The following CMKLR2 variants were observed in gnomAD, a reference collection of about 807,000 sequenced individuals.
CMKLR2 encodes the protein chemerin chemokine-like receptor 2, also known as chemerin-like receptor 2.
In CMKLR2, 18 loss-of-function variants were observed where a neutral mutation model predicts 23.0. That is an observed-to-expected ratio of 0.78 (90% CI 0.54 to 1.16). The LOEUF (loss-of-function observed/expected upper bound fraction) is 1.16. CMKLR2 is among the 50% of genes most tolerant of loss of function. CMKLR2 has a pLI of 0.00. For missense variants in CMKLR2, 401 were observed against 412.7 expected, an observed-to-expected ratio of 0.97 and a Z score of 0.25; for synonymous variants, 158 against 158.9, an observed-to-expected ratio of 0.99 and a Z score of 0.05.
In CMKLR2 at chr2:206,176,084, A is replaced by G. The variant is rs1191275825; in HGVS notation, c.*96T>C. ...CCAGAAACAATAACTATGAAAGTGG[A>G]GTCGGCTCTCTATCTTGGAAACAAT... On this transcript the variant is annotated 3_prime_UTR_variant, in exon 2 of 2. Transcript: ENST00000621141. The G allele has an allele frequency of 3.6e-6, 3 of 831,938 alleles. No homozygotes were observed. The allele number at this position is 831,938 out of a possible 1,614,324, so 51.5% of individuals were successfully genotyped here. A position where few individuals can be genotyped will look rare whatever the true frequency, so the allele number is the denominator to read the frequency against.
chr2:206,208,577 T>C (rs542285360), intron 1 of CMKLR2, among the ~76,000 whole-genome samples: 9 of 151,872 alleles, frequency 5.9e-5, no homozygotes, highest in Non-Finnish European at 1.3e-4. Flanking sequence ...TTTTAATGTG[T>C]AGAAATACAC....
At chr2:206,209,416 A>T (rs1689455096) in intron 1 of CMKLR2, among the ~76,000 whole-genome samples, 1 of 151,764 alleles carries the variant, frequency 6.6e-6, no homozygotes, top group East Asian at 1.9e-4. Context: ...CAAGTGCAGG[A>T]TGTACAGGTT....
chr2:206,181,652 T>A (rs1189129420), intron 1 of CMKLR2, among the ~76,000 whole-genome samples: 1 of 152,136 alleles, frequency 6.6e-6, no homozygotes, highest in African/African-American at 2.4e-5. Context: ...AAAGAAAATG[T>A]TATTAGGAAA....
chr2:206,200,026 T>C (rs998821353), intron 1 of CMKLR2, among the ~76,000 whole-genome samples: 4 of 152,238 alleles, frequency 2.6e-5, no homozygotes, highest in Admixed American at 2.0e-4. Context: ...TAAGTCATTT[T>C]AATTTACTTA....
chr2:206,184,166 A>G (rs1026476178), intron 1 of CMKLR2, among the ~76,000 whole-genome samples: 2 of 152,158 alleles, frequency 1.3e-5, no homozygotes, highest in East Asian at 3.9e-4. Flanking sequence ...TTCACATAGC[A>G]TTCTCCCTGT....
intron 1 of CMKLR2, among the ~76,000 whole-genome samples, chr2:206,186,303 A>G (rs6435334): frequency 0.8 from 121,907 of 151,930 alleles, 49,655 homozygotes; most frequent in East Asian, 0.95. Flanking sequence ...AGTAGGGATG[A>G]GGTTTCACCG....
chr2:206,183,265 A>G (rs751681444), intron 1 of CMKLR2, among the ~76,000 whole-genome samples: 21 of 152,114 alleles, frequency 1.4e-4, no homozygotes, highest in Non-Finnish European at 2.5e-4. Flanking sequence ...CTCATTCCCC[A>G]AACAAAGAAA....
At chr2:206,187,364 T>C (rs1003262563) in intron 1 of CMKLR2, among the ~76,000 whole-genome samples, 2 of 152,194 alleles carry the variant, frequency 1.3e-5, no homozygotes, top group Non-Finnish European at 2.9e-5. Context: ...GAAACATGGT[T>C]GAGCGCAACT....
intron 1 of CMKLR2, among the ~76,000 whole-genome samples, chr2:206,190,928 C>T (rs1688729537): frequency 6.6e-6 from 1 of 152,180 alleles, no homozygotes; most frequent in South Asian, 2.1e-4. Flanking sequence ...TGTTTTAATG[C>T]TCCACCCAGA....
chr2:206,180,735 A>ATTATTATTATTATTG (rs1338539889), intron 1 of CMKLR2, among the ~76,000 whole-genome samples: 1 of 770 alleles, frequency 1.3e-3, no homozygotes, highest in Non-Finnish European at 4.0e-3. Context: ...TGCCCAGCCC[A>ATTATTATTATTATTG]TTATTATTAT....
intron 1 of CMKLR2, among the ~76,000 whole-genome samples, chr2:206,198,037 G>A (rs1688974441): frequency 6.6e-6 from 1 of 152,198 alleles, no homozygotes; most frequent in South Asian, 2.1e-4. Flanking sequence ...CCACCCAAAA[G>A]TTCAGATTGT....
chr2:206,192,306 A>AT (rs201719052), intron 1 of CMKLR2, among the ~76,000 whole-genome samples: 58 of 146,694 alleles, frequency 4.0e-4, no homozygotes, highest in Admixed American at 7.5e-4. Context: ...AAATTTATTT[A>AT]TTTTTTTTTT....
At chr2:206,202,755 G>A (rs1044845268) in intron 1 of CMKLR2, among the ~76,000 whole-genome samples, 1 of 152,008 alleles carries the variant, frequency 6.6e-6, no homozygotes, top group Non-Finnish European at 1.5e-5. Flanking sequence ...TCAGGCGGCC[G>A]GCTTACCTTA....
chr2:206,196,153 T>G (rs1306800119), intron 1 of CMKLR2, among the ~76,000 whole-genome samples: 1 of 152,110 alleles, frequency 6.6e-6, no homozygotes, highest in Non-Finnish European at 1.5e-5. Flanking sequence ...GGTGGGCAGA[T>G]CACTTGAGTT....
chr2:206,215,851 T>C (rs1689736558), upstream of CMKLR2, among the ~76,000 whole-genome samples: 1 of 152,198 alleles, frequency 6.6e-6, no homozygotes, highest in African/African-American at 2.4e-5. Context: ...GTTAAGCTGG[T>C]GGGTCAGTTA....
At chr2:206,194,663 T>C (rs1688861721) in intron 1 of CMKLR2, among the ~76,000 whole-genome samples, 1 of 150,890 alleles carries the variant, frequency 6.6e-6, no homozygotes, top group Non-Finnish European at 1.5e-5. Context: ...CTTGAACCCC[T>C]GGCCTCAAGT....
intron 1 of CMKLR2, among the ~76,000 whole-genome samples, chr2:206,185,664 C>T: frequency 6.6e-6 from 1 of 152,056 alleles, no homozygotes; most frequent in South Asian, 2.1e-4. Context: ...GTGGGGCAAA[C>T]AAGTAAGAAA....
intron 1 of CMKLR2, among the ~76,000 whole-genome samples, chr2:206,208,538 TAAAC>T (rs956431675): frequency 2.0e-5 from 3 of 151,862 alleles, no homozygotes; most frequent in East Asian, 3.9e-4. Flanking sequence ...GTTTCAAAAA[TAAAC>T]AAACAAATGT....
At position 206,176,199 on chromosome 2, in the gene CMKLR2, A is replaced by G. The variant is rs1688200558; in HGVS notation, c.1049T>C (p.Leu350Pro). ...LRNSETKNLC[L>P]LETAQ ...AATAACTTATTGAGCTGTTTCCAGG[A>G]GACACAGATTCTTGGTTTCTGAGTT... The change falls in exon 2 of 2, where the codon CTC (leucine) becomes CCC (proline). Residue 350 changes from leucine (L) to proline (P), a missense_variant. Coordinates refer to ENST00000621141, the MANE Select transcript of CMKLR2 (RefSeq NM_001389445.1). 1 of 1,611,166 alleles carries G rather than the reference A, an allele frequency of 6.2e-7. No homozygotes were observed. Among genetic ancestry groups the G allele is most frequent in the African/African-American group, 1.3e-5 (1 of 74,832 alleles).
Sources: allele counts gnomAD v4.1 joint callset (sites outside exome capture counted in the v4.1 genomes callset), GRCh38; gene constraint gnomAD v4.1.1; transcripts MANE v1.5; gene names NCBI Gene and HGNC (gene_info 2026-07-23, HGNC 2026-07-21).